The following SLC31A1 variants were observed in gnomAD, a reference collection of about 807,000 sequenced individuals.
SLC31A1 encodes high affinity copper uptake protein 1.
SLC31A1 carries 5 observed loss-of-function variants against 17.2 expected under a neutral mutation model. That is an observed-to-expected ratio of 0.29 (90% CI 0.15 to 0.61). The LOEUF (loss-of-function observed/expected upper bound fraction) is 0.61. Among genes scored for constraint, SLC31A1 ranks in the 20% least tolerant of loss-of-function variants. The probability of loss-of-function intolerance (pLI) is 0.86; values close to 1 mark genes in which losing one functional copy is unlikely to be tolerated. For missense variants in SLC31A1, 161 were observed against 241.4 expected, an observed-to-expected ratio of 0.67 and a Z score of 2.21; for synonymous variants, 76 against 78.8, an observed-to-expected ratio of 0.96 and a Z score of 0.19.
chr9:113,262,869 A>T lies in SLC31A1; in HGVS notation c.*2396A>T, dbSNP rs1831809213. The T allele has an allele frequency of 6.5e-6, 1 of 152,678 alleles. No individual in the cohort carries two copies. Among genetic ancestry groups the T allele is most frequent in the African/African-American group, 2.4e-5 (1 of 41,468 alleles). The allele number at this position is 152,678 out of a possible 1,614,324, so 9.5% of individuals were successfully genotyped here. A position where few individuals can be genotyped will look rare whatever the true frequency, so the allele number is the denominator to read the frequency against. On this transcript the variant is annotated 3_prime_UTR_variant, in exon 5 of 5. Coordinates refer to ENST00000374212, the MANE Select transcript of SLC31A1 (RefSeq NM_001859.4). ...ACCCTCCCAGCAACAAAACCTAATCAGTAAGGCCAGCTAGACCCAATGGCT... is the reference window on the plus strand; with the variant it reads ...ACCCTCCCAGCAACAAAACCTAATCTGTAAGGCCAGCTAGACCCAATGGCT...
chr9:113,260,494 C>T lies in SLC31A1; in HGVS notation c.*21C>T. 1 of 1,602,134 alleles carries T rather than the reference C, an allele frequency of 6.2e-7. No individual in the cohort carries two copies. Among genetic ancestry groups the T allele is most frequent in the East Asian group, 2.2e-5 (1 of 44,752 alleles). On this transcript the variant is annotated 3_prime_UTR_variant, in exon 5 of 5. Transcript: ENST00000374212. ...ATTGACATCAAACTCTATGGCGTGG[C>T]CTTATCGATTGCAGTGGGAAGTTGT...
chr9:113,253,029 C>G, intron 1 of SLC31A1, among the ~76,000 whole-genome samples: 1 of 144,346 alleles, frequency 6.9e-6, no homozygotes, highest in Non-Finnish European at 1.5e-5. Context: ...TCTCGCTTTA[C>G]TGCAAGCTCC....
At chr9:113,250,809 A>T (rs970079261) in intron 1 of SLC31A1, among the ~76,000 whole-genome samples, 1 of 151,938 alleles carries the variant, frequency 6.6e-6, no homozygotes, top group South Asian at 2.1e-4. Flanking sequence ...ACTGGTAGGC[A>T]TTTGGGTCAT....
In SLC31A1 at chr9:113,263,266, A is replaced by G. The variant is rs1485573970; in HGVS notation, c.*2793A>G. 6.6e-6 allele frequency: 1 copy of G among 152,246 alleles called. No homozygotes were observed. The highest frequency in any genetic ancestry group is 6.5e-5 in the Admixed American group (1 of 15,290). The allele number at this position is 152,246 out of a possible 1,614,324, so 9.4% of individuals were successfully genotyped here. ...TCTTCAGGTATTCAGGATAGAGATA[A>G]TCTCCTGAAAAACCTGAATTTCAGA... On this transcript the variant is annotated 3_prime_UTR_variant, in exon 5 of 5. Transcript: ENST00000374212.
chr9:113,223,366 C>A, intron 1 of SLC31A1: 1 of 359,860 alleles, frequency 2.8e-6, no homozygotes, highest in South Asian at 2.2e-5. Context: ...TTCCTAAATT[C>A]GTGTATCTTC....
chr9:113,260,076 T>A (rs1351092154), intron 4 of SLC31A1, among the ~76,000 whole-genome samples, 196 bp from the exon 5 acceptor site: 1 of 152,232 alleles, frequency 6.6e-6, no homozygotes. Context: ...CAGCCATATC[T>A]GGCCAATGTT....
intron 1 of SLC31A1, among the ~76,000 whole-genome samples, chr9:113,252,977 G>T (rs1358680170): frequency 7.2e-6 from 1 of 138,406 alleles, no homozygotes; most frequent in Non-Finnish European, 1.5e-5. Flanking sequence ...TTTTTGAGAC[G>T]GAGTCTTGCT....
At chr9:113,222,254 A>G (rs35332838) in intron 1 of SLC31A1, among the ~76,000 whole-genome samples, 1,717 of 152,248 alleles carry the variant, frequency 0.011, 38 homozygotes, top group African/African-American at 0.04. Context: ...GAGGTGCAGA[A>G]GAGCTAAGAT....
At chr9:113,240,055 T>C (rs1225021207) in intron 1 of SLC31A1, among the ~76,000 whole-genome samples, 1 of 152,232 alleles carries the variant, frequency 6.6e-6, no homozygotes. Context: ...TCAGTCTGTT[T>C]AAAGTCAGCT....
At chr9:113,253,327 C>T (rs989995737) in intron 1 of SLC31A1, among the ~76,000 whole-genome samples, 13 of 152,130 alleles carry the variant, frequency 8.5e-5, no homozygotes, top group African/African-American at 3.1e-4. Flanking sequence ...CCAGTGATCT[C>T]TCCATCCTAC....
intron 1 of SLC31A1, among the ~76,000 whole-genome samples, chr9:113,228,842 A>G (rs1040066594): frequency 1.3e-5 from 2 of 152,044 alleles, no homozygotes; most frequent in South Asian, 2.1e-4. Flanking sequence ...GTTGGATTTG[A>G]TGATACTTTT....
At chr9:113,236,886 G>A (rs938103710) in intron 1 of SLC31A1, among the ~76,000 whole-genome samples, 3 of 152,110 alleles carry the variant, frequency 2.0e-5, no homozygotes, top group Non-Finnish European at 4.4e-5. Flanking sequence ...CCCTTGCCTG[G>A]GAATTATCCA....
chr9:113,262,733 G>C lies in SLC31A1; in HGVS notation c.*2260G>C, dbSNP rs532210544. ...AAGTCCAACACAAAGGTATAATACAGCCTGTTGTCTAAAGCCAAGGAGTCA... is the reference window on the plus strand; with the variant it reads ...AAGTCCAACACAAAGGTATAATACACCCTGTTGTCTAAAGCCAAGGAGTCA... On this transcript the variant is annotated 3_prime_UTR_variant, in exon 5 of 5. Transcript: ENST00000374212. The C allele has an allele frequency of 6.6e-6, 1 of 152,620 alleles. No homozygotes were observed. Among genetic ancestry groups the C allele is most frequent in the Admixed American group, 6.5e-5 (1 of 15,276 alleles). The allele number at this position is 152,620 out of a possible 1,614,324, so 9.5% of individuals were successfully genotyped here.
intron 1 of SLC31A1, among the ~76,000 whole-genome samples, chr9:113,226,695 A>C (rs1439833724): frequency 6.6e-6 from 1 of 152,194 alleles, no homozygotes; most frequent in Non-Finnish European, 1.5e-5. Flanking sequence ...GGTAAGATGG[A>C]AGCCTGAATC....
At chr9:113,250,411 A>G (rs922616205) in intron 1 of SLC31A1, among the ~76,000 whole-genome samples, 7 of 150,552 alleles carry the variant, frequency 4.6e-5, no homozygotes, top group Admixed American at 2.7e-4. Context: ...CATCATTCTC[A>G]GTAAACTATC....
chr9:113,222,675 A>G (rs1831296695), intron 1 of SLC31A1, among the ~76,000 whole-genome samples: 2 of 152,344 alleles, frequency 1.3e-5, no homozygotes, highest in South Asian at 4.1e-4. Flanking sequence ...ACCTCCTGGC[A>G]AAGATGTTAA....
chr9:113,256,153 A>T lies in SLC31A1; in HGVS notation c.5A>T (p.Asp2Val), dbSNP rs1831724799. The T allele has an allele frequency of 1.2e-6, 2 of 1,612,028 alleles. No homozygotes were observed. Among genetic ancestry groups the T allele is most frequent in the African/African-American group, 1.3e-5 (1 of 74,854 alleles). Residue 2 changes from aspartate (D) to valine (V), a missense_variant, in exon 2 of 5, where the codon GAT (aspartate) becomes GTT (valine). Asp to Val is a radical substitution (Grantham distance 152, BLOSUM62 -3). Coordinates refer to ENST00000374212, the MANE Select transcript of SLC31A1 (RefSeq NM_001859.4). ...TCTCAACTTTTCCTGGAAAAAATGGATCATTCCCACCATATGGGGATGAGC... is the reference window on the plus strand; with the variant it reads ...TCTCAACTTTTCCTGGAAAAAATGGTTCATTCCCACCATATGGGGATGAGC... MDHSHHMGMSYM... is the reference protein window; with the variant it reads MVHSHHMGMSYM...
chr9:113,256,094 A>G lies in SLC31A1; in HGVS notation c.-35-20A>G, dbSNP rs1831723712. The G allele has an allele frequency of 1.9e-6, 3 of 1,547,386 alleles. No homozygotes were observed. Among genetic ancestry groups the G allele is most frequent in the Admixed American group, 3.4e-5 (2 of 59,306 alleles). On this transcript the variant is annotated intron_variant, in intron 1 of 4. Coordinates refer to ENST00000374212, the MANE Select transcript of SLC31A1 (RefSeq NM_001859.4). Reference sequence around the variant, plus strand: ...TTTTTATATCCTTAAATTATTATATATAATTCTTTCTCTTAAAAGAATCTT... The same window carrying G: ...TTTTTATATCCTTAAATTATTATATGTAATTCTTTCTCTTAAAAGAATCTT...
intron 1 of SLC31A1, among the ~76,000 whole-genome samples, chr9:113,239,387 A>G (rs970436647): frequency 2.0e-5 from 3 of 152,160 alleles, no homozygotes; most frequent in Non-Finnish European, 4.4e-5. Flanking sequence ...TCATCTTCCT[A>G]AAGTTTTAAC....
Sources: allele counts gnomAD v4.1 joint callset (sites outside exome capture counted in the v4.1 genomes callset), GRCh38; gene constraint gnomAD v4.1.1; transcripts MANE v1.5; gene names NCBI Gene and HGNC (gene_info 2026-07-23, HGNC 2026-07-21).